SDK1: variants seen among roughly 807,000 people sequenced by gnomAD.
The protein encoded by SDK1 is protein sidekick-1.
Under a neutral mutation model 245.5 loss-of-function variants are expected in SDK1, and 157 were observed. The ratio of observed to expected loss-of-function variants is 0.64; its 90% CI spans 0.56 to 0.73. The LOEUF (loss-of-function observed/expected upper bound fraction) is 0.73. Among genes scored for constraint, SDK1 ranks in the 30% least tolerant of loss-of-function variants. The pLI is 0.00. For missense variants in SDK1, 3,583 were observed against 3,002.3 expected (o/e 1.19, Z -4.52); for synonymous variants, 1,647 against 1,278.5 (o/e 1.29, Z -6.15).
chr7:3,508,525 AC>A (rs1369008765), intron 1 of SDK1, among the ~76,000 whole-genome samples: 4 of 151,826 alleles, frequency 2.6e-5, no homozygotes, highest in Non-Finnish European at 5.9e-5. Context: ...ATGGGGTTTT[AC>A]CATGTTGGCC....
At chr7:3,923,859 C>T (rs956953524) in intron 5 of SDK1, among the ~76,000 whole-genome samples, 5 of 152,214 alleles carry the variant, frequency 3.3e-5, no homozygotes, top group African/African-American at 1.2e-4. Flanking sequence ...CCTTTCACTT[C>T]GTGTCCAGGT....
intron 30 of SDK1, among the ~76,000 whole-genome samples, chr7:4,152,098 G>A (rs1753148269): frequency 6.6e-6 from 1 of 152,244 alleles, no homozygotes; most frequent in Admixed American, 6.5e-5. Flanking sequence ...CAGGGCTGGA[G>A]CGGGGATCCT....
At chr7:3,844,367 C>T (rs570216607) in intron 5 of SDK1, among the ~76,000 whole-genome samples, 6 of 152,210 alleles carry the variant, frequency 3.9e-5, no homozygotes, top group African/African-American at 1.4e-4. Flanking sequence ...CTAGGGAAAA[C>T]GGGAATTGCT....
intron 44 of SDK1, among the ~76,000 whole-genome samples, chr7:4,259,541 T>A (rs965810571): frequency 6.6e-6 from 1 of 152,190 alleles, no homozygotes; most frequent in Admixed American, 6.5e-5. Flanking sequence ...TTCTCAAGTT[T>A]GGGAGTACAT....
chr7:4,009,314 A>G (rs1184639467), intron 14 of SDK1, among the ~76,000 whole-genome samples: 1 of 152,218 alleles, frequency 6.6e-6, no homozygotes, highest in Non-Finnish European at 1.5e-5. Context: ...GCCTTCTACC[A>G]ACCGAGTCTG....
intron 1 of SDK1, among the ~76,000 whole-genome samples, chr7:3,604,368 TC>T (rs1562595944): frequency 6.6e-6 from 1 of 152,192 alleles, no homozygotes; most frequent in Non-Finnish European, 1.5e-5. Flanking sequence ...TTTATTATTT[TC>T]TTCCTTAAAT....
chr7:3,562,011 A>G (rs1289645277), intron 1 of SDK1, among the ~76,000 whole-genome samples: 5 of 152,366 alleles, frequency 3.3e-5, no homozygotes, highest in East Asian at 1.9e-4. Flanking sequence ...ATAAGCATTC[A>G]TAAATATTTT....
chr7:3,528,899 C>A (rs915308992), intron 1 of SDK1, among the ~76,000 whole-genome samples: 3 of 152,070 alleles, frequency 2.0e-5, no homozygotes, highest in Non-Finnish European at 4.4e-5. Context: ...TCCTTCTCTC[C>A]CCTTGCTTTT....
chr7:3,689,906 G>A (rs777784912), intron 4 of SDK1, among the ~76,000 whole-genome samples: 2 of 152,198 alleles, frequency 1.3e-5, no homozygotes, highest in South Asian at 2.1e-4. Flanking sequence ...GCCAGAACAT[G>A]TGTGTCTATT....
At chr7:3,674,671 T>A (rs1188983168) in intron 4 of SDK1, among the ~76,000 whole-genome samples, 1 of 152,168 alleles carries the variant, frequency 6.6e-6, no homozygotes, top group Non-Finnish European at 1.5e-5. Flanking sequence ...TGTTCAGTGT[T>A]TGATAACTAT....
chr7:3,647,275 C>T (rs1045549297), intron 4 of SDK1, among the ~76,000 whole-genome samples: 4 of 152,090 alleles, frequency 2.6e-5, no homozygotes, highest in African/African-American at 7.2e-5. Context: ...TATTTTACCA[C>T]GATTTTAATT....
intron 1 of SDK1, among the ~76,000 whole-genome samples, chr7:3,454,227 A>G (rs1780605093): frequency 1.3e-5 from 2 of 152,218 alleles, no homozygotes; most frequent in Non-Finnish European, 2.9e-5. Flanking sequence ...ATCAAGGAAA[A>G]CCAGGTCCAC....
intron 43 of SDK1, among the ~76,000 whole-genome samples, chr7:4,244,594 A>G (rs535018456): frequency 2.0e-5 from 3 of 152,324 alleles, no homozygotes; most frequent in African/African-American, 4.8e-5. Flanking sequence ...GCAAATGATC[A>G]CAAGTTCAGC....
intron 4 of SDK1, among the ~76,000 whole-genome samples, chr7:3,804,715 G>A (rs916638921): frequency 6.6e-6 from 1 of 152,130 alleles, no homozygotes; most frequent in African/African-American, 2.4e-5. Context: ...CTCCATTTGT[G>A]TAGAACTTTG....
At chr7:3,985,411 A>G (rs1010252677) in intron 13 of SDK1, among the ~76,000 whole-genome samples, 5 of 152,202 alleles carry the variant, frequency 3.3e-5, no homozygotes, top group Non-Finnish European at 7.3e-5. Flanking sequence ...GGGGAATAGG[A>G]AATGGGGCTT....
At chr7:3,978,754 A>C (rs1028552848) in intron 13 of SDK1, among the ~76,000 whole-genome samples, 4 of 152,192 alleles carry the variant, frequency 2.6e-5, no homozygotes, top group African/African-American at 9.7e-5. Context: ...CCAAAAAAAA[A>C]GCAAGAGAAA....
At chr7:3,594,777 A>T (rs530632128) in intron 1 of SDK1, among the ~76,000 whole-genome samples, 1 of 152,204 alleles carries the variant, frequency 6.6e-6, no homozygotes, top group African/African-American at 2.4e-5. Context: ...TGTTTTAGAG[A>T]TAATACTGAT....
chr7:3,774,716 A>G (rs996531431), intron 4 of SDK1, among the ~76,000 whole-genome samples: 4 of 152,116 alleles, frequency 2.6e-5, no homozygotes, highest in African/African-American at 9.7e-5. Context: ...TATCATTTTT[A>G]TAATCTGAAA....
In SDK1 at chr7:4,026,920, A is replaced by G. The variant is rs1320436656; in HGVS notation, c.2602+9568A>G. Among the ~76,000 whole-genome samples the G allele has an allele frequency of 6.6e-6, 1 of 152,248 alleles. No homozygotes were observed. Among genetic ancestry groups the G allele is most frequent in the Non-Finnish European group, 1.5e-5 (1 of 68,050 alleles). On this transcript the variant is annotated intron_variant, in intron 17 of 44. Coordinates refer to ENST00000404826, the MANE Select transcript of SDK1 (RefSeq NM_152744.4). The surrounding 1 kb of genome is among the most constrained non-coding windows in gnomAD (Gnocchi z 4.1). ...CCTGGTTTCAAAGGCGTATACATTT[A>G]ATTCTATGTGGTAACCTGGAGAAAT...
Sources: gnomAD v4.1 joint callset for allele counts (sites outside exome capture counted in the v4.1 genomes callset) on GRCh38, gnomAD v4.1.1 for gene constraint, Gnocchi (gnomAD v3.1) non-coding constraint, MANE v1.5 for transcripts, NCBI Gene and HGNC (gene_info 2026-07-23, HGNC 2026-07-21) for gene names.